NMNAT2: variants seen among roughly 807,000 people sequenced by gnomAD.
The protein encoded by NMNAT2 is nicotinamide nucleotide adenylyltransferase 2.
A neutral mutation model predicts 41.6 loss-of-function variants in NMNAT2; 11 were observed. The observed-to-expected ratio is 0.26, with a 90% CI of 0.17 to 0.44. The LOEUF is 0.44. Ranked by LOEUF, NMNAT2 falls within the 20% of genes least tolerant of loss-of-function variation. NMNAT2 has a pLI of 1.00. For synonymous variants in NMNAT2, 148 were observed against 151.2 expected (o/e 0.98, Z 0.16); for missense variants, 288 against 407.7 (o/e 0.71, Z 2.53).
At position 183,341,687 on chromosome 1, in the gene NMNAT2, AGAG is replaced by A. The variant is rs143497207; in HGVS notation, c.86-47897_86-47895del. ...GCCTGGTCAATAGAGAAAAAAAAAA[AGAG>A]AGAGAGAGAGAGGAAAAGACAAACA... On this transcript the variant is annotated intron_variant, in intron 1 of 10. Transcript: ENST00000287713. 4.5e-3 allele frequency among the ~76,000 whole-genome samples: 490 copies of A among 109,668 alleles called. 3 individuals are homozygous for A. Among genetic ancestry groups the A allele is most frequent in the African/African-American group, 0.015 (445 of 28,740 alleles). 71.9% of individuals were successfully genotyped at this position (109,668 alleles called of 152,430 possible).
intron 1 of NMNAT2, among the ~76,000 whole-genome samples, chr1:183,314,325 C>A (rs1016817472): frequency 2.6e-5 from 4 of 152,180 alleles, no homozygotes; most frequent in African/African-American, 9.7e-5. Flanking sequence ...CTTGGTAACC[C>A]CTGCCAACCC....
At chr1:183,329,075 T>C (rs562577155) in intron 1 of NMNAT2, among the ~76,000 whole-genome samples, 1 of 152,212 alleles carries the variant, frequency 6.6e-6, no homozygotes, top group South Asian at 2.1e-4. Context: ...GAGACAGACA[T>C]ACTGCAAGGG....
chr1:183,356,278 C>G (rs1478832525), intron 1 of NMNAT2, among the ~76,000 whole-genome samples: 1 of 152,190 alleles, frequency 6.6e-6, no homozygotes, highest in Non-Finnish European at 1.5e-5. Context: ...TAAACAGACA[C>G]CTCGTTCATA....
chr1:183,363,579 TACACACACAC>T (rs146304060), intron 1 of NMNAT2, among the ~76,000 whole-genome samples: 1 of 147,482 alleles, frequency 6.8e-6, no homozygotes, highest in Non-Finnish European at 1.5e-5. Flanking sequence ...CACACACACA[TACACACACAC>T]ACACACACAC....
chr1:183,277,437 C>T (rs903284105), intron 8 of NMNAT2, among the ~76,000 whole-genome samples: 2 of 148,156 alleles, frequency 1.3e-5, no homozygotes, highest in Non-Finnish European at 3.0e-5. Context: ...GACTCTTGAA[C>T]CTGGAAGGCA....
intron 1 of NMNAT2, among the ~76,000 whole-genome samples, chr1:183,357,123 G>T (rs74129753): frequency 6.6e-6 from 1 of 151,998 alleles, no homozygotes; most frequent in East Asian, 1.9e-4. Context: ...GAGAACGTTG[G>T]TGAGGTTTAG....
In NMNAT2 at chr1:183,320,509, G is replaced by A. The variant is rs142103032; in HGVS notation, c.86-26716C>T. Among the ~76,000 whole-genome samples, 27 of 152,312 alleles carry A rather than the reference G, an allele frequency of 1.8e-4. No individual in the cohort carries two copies. The East Asian group carries it at 5.2e-3, about 29-fold the overall frequency. ...TAATGCCAGCTACTCGGGAGGCTGA[G>A]GCAGGAGAATCGCTTAAACCCAGGA... is the stretch of plus-strand genomic sequence containing the variant. On this transcript the variant is annotated intron_variant, in intron 1 of 10. Transcript: ENST00000287713.
At chr1:183,373,673 A>C (rs563448724) in intron 1 of NMNAT2, among the ~76,000 whole-genome samples, 44 of 149,564 alleles carry the variant, frequency 2.9e-4, no homozygotes, top group African/African-American at 1.1e-3. Context: ...GCTGGAGTGC[A>C]GTGGTGCCAT....
chr1:183,262,900 T>C (rs1660699969), intron 8 of NMNAT2, among the ~76,000 whole-genome samples: 1 of 152,236 alleles, frequency 6.6e-6, no homozygotes, highest in Non-Finnish European at 1.5e-5. Flanking sequence ...GAGCAAGACC[T>C]GCTTTGAGGG....
intron 1 of NMNAT2, among the ~76,000 whole-genome samples, chr1:183,405,562 G>A (rs1648930269): frequency 6.6e-6 from 1 of 152,218 alleles, no homozygotes; most frequent in Non-Finnish European, 1.5e-5. Flanking sequence ...CACTTACATG[G>A]GAGCCCTGGG....
At chr1:183,260,819 C>CAAAAAAA (rs35660466) in intron 10 of NMNAT2, among the ~76,000 whole-genome samples, 183 bp downstream of exon 10, 3 of 74,996 alleles carry the variant, frequency 4.0e-5, no homozygotes, top group Non-Finnish European at 7.5e-5. Context: ...GACGCTGTCT[C>CAAAAAAA]AAAAAAAAAA....
At chr1:183,404,281 G>A (rs1648894985) in intron 1 of NMNAT2, among the ~76,000 whole-genome samples, 1 of 151,910 alleles carries the variant, frequency 6.6e-6, no homozygotes, top group African/African-American at 2.4e-5. Flanking sequence ...GTAGAGACGG[G>A]GTTTCACCAT....
At chr1:183,389,007 G>T (rs1648348226) in intron 1 of NMNAT2, among the ~76,000 whole-genome samples, 1 of 152,170 alleles carries the variant, frequency 6.6e-6, no homozygotes, top group Non-Finnish European at 1.5e-5. Flanking sequence ...AAAAGAAAGG[G>T]TTTCACTGGT....
chr1:183,257,785 T>A (rs1212425171), intron 10 of NMNAT2, among the ~76,000 whole-genome samples: 8 of 150,834 alleles, frequency 5.3e-5, no homozygotes, highest in African/African-American at 2.0e-4. Context: ...TTGTCAATTT[T>A]GTTTTTTTTT....
chr1:183,273,396 A>G (rs752088635), intron 8 of NMNAT2, among the ~76,000 whole-genome samples: 99 of 152,366 alleles, frequency 6.5e-4, no homozygotes, highest in Non-Finnish European at 8.8e-4. Context: ...ACCCGATAAT[A>G]AAGAGAAATG....
chr1:183,382,967 T>C (rs943495015), intron 1 of NMNAT2, among the ~76,000 whole-genome samples: 2 of 152,156 alleles, frequency 1.3e-5, no homozygotes, highest in African/African-American at 2.4e-5. Context: ...TCCCACATTT[T>C]CCCCTCCACA....
chr1:183,362,306 A>G (rs1021394697), intron 1 of NMNAT2, among the ~76,000 whole-genome samples: 5 of 152,142 alleles, frequency 3.3e-5, no homozygotes, highest in Non-Finnish European at 7.3e-5. Flanking sequence ...AGAGTGTGCA[A>G]TTCAGTGATT....
At chr1:183,363,416 C>T (rs1663345879) in intron 1 of NMNAT2, among the ~76,000 whole-genome samples, 1 of 152,090 alleles carries the variant, frequency 6.6e-6, no homozygotes, top group Admixed American at 6.5e-5. Flanking sequence ...TTTGTTAGAC[C>T]CTCTCATCCT....
chr1:183,384,755 C>T (rs565789535), intron 1 of NMNAT2, among the ~76,000 whole-genome samples: 1 of 152,288 alleles, frequency 6.6e-6, no homozygotes, highest in Non-Finnish European at 1.5e-5. Context: ...TGTTAATATT[C>T]CCAGCACAGA....
Sources: allele counts gnomAD v4.1 joint callset (sites outside exome capture counted in the v4.1 genomes callset), GRCh38; gene constraint gnomAD v4.1.1; transcripts MANE v1.5; gene names NCBI Gene and HGNC (gene_info 2026-07-23, HGNC 2026-07-21).